ATAD2: variants seen among roughly 807,000 people sequenced by gnomAD.
The protein encoded by ATAD2 is ATPase family AAA domain-containing protein 2.
ATAD2 carries 62 observed loss-of-function variants against 168.9 expected under a neutral mutation model. The ratio of observed to expected loss-of-function variants is 0.37; its 90% CI spans 0.30 to 0.45. ATAD2 has a LOEUF of 0.45. Ranked by LOEUF, ATAD2 falls within the 20% of genes least tolerant of loss-of-function variation. The pLI, the probability that ATAD2 is intolerant of heterozygous loss-of-function variation, is 1.00. For missense variants in ATAD2, 1,419 were observed against 1,667.8 expected (o/e 0.85, Z 2.60); for synonymous variants, 613 against 571.6 (o/e 1.07, Z -1.03).
chr8:123,341,164 T>C (rs966725803), intron 19 of ATAD2, among the ~76,000 whole-genome samples: 3 of 152,126 alleles, frequency 2.0e-5, no homozygotes, highest in Non-Finnish European at 2.9e-5. Flanking sequence ...CCCCTACTTA[T>C]AGAATGTGGT....
At chr8:123,334,836 G>C (rs767999950) in intron 22 of ATAD2, among the ~76,000 whole-genome samples, 1 of 152,232 alleles carries the variant, frequency 6.6e-6, no homozygotes, top group Non-Finnish European at 1.5e-5. Context: ...GACGGAATAA[G>C]TGAATGCAGG....
At chr8:123,396,483 C>A (rs1178822699), upstream of ATAD2, 4 of 1,075,042 alleles carry the variant, frequency 3.7e-6, no homozygotes, top group African/African-American at 4.9e-5. Flanking sequence ...CCGCAGCGCG[C>A]GCGCCCAGAA....
chr8:123,356,623 T>C, intron 12 of ATAD2, 146 bp from the exon 13 acceptor site: 1 of 386,594 alleles, frequency 2.6e-6, no homozygotes, highest in Non-Finnish European at 4.3e-6. Flanking sequence ...CGGTTTTTCT[T>C]CAAACTTACT....
intron 11 of ATAD2, 53 bp downstream of exon 11, chr8:123,359,165 CAAG>C: frequency 4.5e-6 from 6 of 1,328,418 alleles, no homozygotes; most frequent in Non-Finnish European, 6.3e-6. Context: ...ATAAGAACTA[CAAG>C]AAGCAAGAAT....
upstream of ATAD2, chr8:123,396,566 A>AGCGAAGGAGGCCGG (rs901791090): frequency 7.1e-6 from 4 of 566,280 alleles, no homozygotes; most frequent in Non-Finnish European, 1.2e-5. Flanking sequence ...CCATTTGTAG[A>AGCGAAGGAGGCCGG]GCGAAGGAGG....
Position 123,361,613 on chromosome 8 carries a change from A to C in ATAD2, c.1083T>G (p.Thr361=), listed in dbSNP as rs1339288230. ...RRHAIHSSDS[T]SSSSSEDEQH... is the part of the protein sequence containing the mutation. ...GTTCATCTTCAGAGGAGGAAGATGA[A>C]GTCGAGTCACTACTGTGGATTGCAT... The change falls in exon 9 of 28, where the codon ACT becomes ACG. Residue 361 remains threonine (T), a synonymous_variant. Coordinates refer to ENST00000287394, the MANE Select transcript of ATAD2 (RefSeq NM_014109.4). 3 of 1,613,198 alleles carry C rather than the reference A, an allele frequency of 1.9e-6. No individual in the cohort carries two copies. Among genetic ancestry groups the C allele is most frequent in the Non-Finnish European group, 2.5e-6 (3 of 1,179,440 alleles).
At chr8:123,388,346 G>T (rs1383979322) in intron 1 of ATAD2, among the ~76,000 whole-genome samples, 1 of 152,122 alleles carries the variant, frequency 6.6e-6, no homozygotes, top group Non-Finnish European at 1.5e-5. Flanking sequence ...CTACAGGCAT[G>T]TGCCACCACG....
At chr8:123,380,063 T>C (rs1205696882) in intron 2 of ATAD2, among the ~76,000 whole-genome samples, 3 of 151,942 alleles carry the variant, frequency 2.0e-5, no homozygotes, top group Admixed American at 2.0e-4. Context: ...ATTTTGTATA[T>C]ATTTTTTTGA....
intron 1 of ATAD2, among the ~76,000 whole-genome samples, chr8:123,410,249 T>C (rs1813134465): frequency 6.6e-6 from 1 of 151,712 alleles, no homozygotes; most frequent in Non-Finnish European, 1.5e-5. Flanking sequence ...TGAAACCATA[T>C]CCGTTTTTAT....
chr8:123,348,344 T>A, intron 14 of ATAD2, 71 bp from the exon 15 acceptor site: 1 of 1,179,748 alleles, frequency 8.5e-7, no homozygotes, highest in Non-Finnish European at 1.2e-6. Context: ...TTAATTTTGA[T>A]TAAAATACTT....
chr8:123,402,106 C>A lies in ATAD2; in HGVS notation c.-2281-931G>T. ...TGCACTCTTAGGAGAAGCGGCTGTA[C>A]TGACAGCAGTGGAGGCCGAGGTGGT... On this transcript the variant is annotated intron_variant, in intron 1 of 28. Coordinates refer to the ATAD2 transcript ENST00000521903. The surrounding 1 kb of genome is among the most constrained non-coding windows in gnomAD (Gnocchi z 4.8). 1 of 1,053,098 alleles carries A rather than the reference C, an allele frequency of 9.5e-7. No individual in the cohort carries two copies. 65.2% of individuals were successfully genotyped at this position (1,053,098 alleles called of 1,614,324 possible). A position where few individuals can be genotyped will look rare whatever the true frequency, so the allele number is the denominator to read the frequency against.
At chr8:123,325,835 C>T (rs889274062) in intron 26 of ATAD2, 58 bp downstream of exon 26, 1 of 1,580,318 alleles carries the variant, frequency 6.3e-7, no homozygotes, top group Non-Finnish European at 8.6e-7. Context: ...AGTCACAAGC[C>T]AGTGTTTGGG....
intron 1 of ATAD2, among the ~76,000 whole-genome samples, chr8:123,391,157 G>C (rs994842734): frequency 1.2e-4 from 18 of 151,582 alleles, no homozygotes; most frequent in African/African-American, 4.4e-4. Flanking sequence ...TCAGACCTTA[G>C]AAAACAAAGA....
At chr8:123,344,772 A>C in intron 19 of ATAD2, 112 bp downstream of exon 19, 2 of 1,193,878 alleles carry the variant, frequency 1.7e-6, no homozygotes, top group Non-Finnish European at 2.4e-6. Flanking sequence ...TGATAAGAAA[A>C]CTTATCCTTT....
At chr8:123,363,544 T>C (rs565128696) in intron 8 of ATAD2, among the ~76,000 whole-genome samples, 2 of 152,216 alleles carry the variant, frequency 1.3e-5, no homozygotes, top group Non-Finnish European at 2.9e-5. Context: ...CCTACCCAAA[T>C]ACACCAAGAC....
intron 13 of ATAD2, 96 bp from the exon 14 acceptor site, chr8:123,349,540 A>T (rs1275795617): frequency 7.4e-6 from 9 of 1,208,116 alleles, no homozygotes; most frequent in Middle Eastern, 2.5e-4. Context: ...AACGCATTAC[A>T]TGTGAATAAA....
chr8:123,339,379 C>T lies in ATAD2; in HGVS notation c.2786G>A (p.Arg929Gln), dbSNP rs1169009482. 2 of 1,601,636 alleles carry T rather than the reference C, an allele frequency of 1.2e-6. No homozygotes were observed. Among genetic ancestry groups the T allele is most frequent in the Non-Finnish European group, 1.7e-6 (2 of 1,172,982 alleles). ...FNVQLPDKEERTKFFEDLILK... is the reference protein window; with the variant it reads ...FNVQLPDKEEQTKFFEDLILK... ...AATTAAATCTTCAAAAAATTTTGTC[C>T]GTTCTTCTTTATCCGGTAACTGGAC... The change falls in exon 20 of 28, where the codon CGG (arginine) becomes CAG (glutamine). Residue 929 changes from arginine (R) to glutamine (Q), a missense_variant. Transcript: ENST00000287394.
At chr8:123,386,125 C>T (rs932702035) in intron 1 of ATAD2, among the ~76,000 whole-genome samples, 2 of 151,932 alleles carry the variant, frequency 1.3e-5, no homozygotes, top group Non-Finnish European at 2.9e-5. Flanking sequence ...GGCAATTCCT[C>T]AAAAAGTTAA....
chr8:123,392,225 C>A (rs959255786), intron 1 of ATAD2, among the ~76,000 whole-genome samples: 3 of 152,008 alleles, frequency 2.0e-5, no homozygotes, highest in African/African-American at 4.8e-5. Flanking sequence ...AATCCAAGTC[C>A]CCGTGCAGTT....
Sources: allele counts gnomAD v4.1 joint callset (sites outside exome capture counted in the v4.1 genomes callset), GRCh38; gene constraint gnomAD v4.1.1; non-coding constraint Gnocchi (gnomAD v3.1); transcripts MANE v1.5; gene names NCBI Gene and HGNC (gene_info 2026-07-23, HGNC 2026-07-21).